The following CHCHD6 variants were observed in gnomAD, a reference collection of about 807,000 sequenced individuals.
CHCHD6 encodes the protein coiled-coil-helix-coiled-coil-helix domain containing 6.
A neutral mutation model predicts 32.3 loss-of-function variants in CHCHD6; 28 were observed. The ratio of observed to expected loss-of-function variants is 0.87; its 90% CI spans 0.64 to 1.19. The LOEUF (loss-of-function observed/expected upper bound fraction) is 1.19, where lower values mean the gene tolerates loss of function less well. CHCHD6 is among the 50% of genes most tolerant of loss of function. The pLI is 0.00. For missense variants in CHCHD6, 333 were observed against 307.0 expected, an observed-to-expected ratio of 1.08 and a Z score of -0.63; for synonymous variants, 122 against 117.5, an observed-to-expected ratio of 1.04 and a Z score of -0.25.
chr3:126,924,423 G>A (rs1003745905), intron 6 of CHCHD6, among the ~76,000 whole-genome samples: 6 of 152,162 alleles, frequency 3.9e-5, no homozygotes, highest in East Asian at 1.9e-4. Context: ...ACACTCTCAC[G>A]TATAGCTTGT....
intron 4 of CHCHD6, among the ~76,000 whole-genome samples, chr3:126,806,407 C>G (rs1939382924): frequency 6.6e-6 from 1 of 151,680 alleles, no homozygotes; most frequent in African/African-American, 2.4e-5. Flanking sequence ...AGACACTTCT[C>G]AAAAGAAGAC....
chr3:126,808,664 A>G (rs574099951), intron 4 of CHCHD6, among the ~76,000 whole-genome samples: 62 of 152,284 alleles, frequency 4.1e-4, no homozygotes, highest in Middle Eastern at 3.4e-3. Context: ...CTGAAGAAAA[A>G]TGGGTGCCAT....
chr3:126,840,561 G>C (rs927387537), intron 4 of CHCHD6, among the ~76,000 whole-genome samples: 1 of 152,136 alleles, frequency 6.6e-6, no homozygotes, highest in African/African-American at 2.4e-5. Context: ...TCCAAGTGTG[G>C]AGATTAGCCC....
chr3:126,755,867 TGTAGACACAGACATTC>T (rs1219938856), intron 4 of CHCHD6, among the ~76,000 whole-genome samples: 3 of 148,996 alleles, frequency 2.0e-5, no homozygotes, highest in South Asian at 2.1e-4. Flanking sequence ...TGTGTGTGTG[TGTAGACACAGACATTC>T]CTTATGCCTG....
chr3:126,855,349 G>A (rs559524243), intron 5 of CHCHD6, among the ~76,000 whole-genome samples: 1 of 152,294 alleles, frequency 6.6e-6, no homozygotes, highest in East Asian at 1.9e-4. Flanking sequence ...CTGTAAAATG[G>A]AGATGCTAAT....
chr3:126,843,744 A>T (rs1322881453), intron 4 of CHCHD6, among the ~76,000 whole-genome samples: 1 of 152,210 alleles, frequency 6.6e-6, no homozygotes, highest in South Asian at 2.1e-4. Flanking sequence ...AATTACATGT[A>T]TGCTAGACCA....
intron 5 of CHCHD6, among the ~76,000 whole-genome samples, chr3:126,911,396 C>CT (rs2107588402): frequency 6.6e-6 from 1 of 152,318 alleles, no homozygotes; most frequent in Non-Finnish European, 1.5e-5. Flanking sequence ...CTCCAGCAGC[C>CT]TTGGAAAGGC....
At chr3:126,833,924 G>C (rs1170166639) in intron 4 of CHCHD6, among the ~76,000 whole-genome samples, 2 of 150,296 alleles carry the variant, frequency 1.3e-5, no homozygotes, top group Non-Finnish European at 3.0e-5. Flanking sequence ...CGTAGTGGCG[G>C]GCGCCTGTAG....
intron 4 of CHCHD6, among the ~76,000 whole-genome samples, chr3:126,797,580 G>A (rs925027581): frequency 1.3e-5 from 2 of 152,096 alleles, no homozygotes; most frequent in Admixed American, 6.5e-5. Context: ...GGGACCTTTT[G>A]TTTTTCAAAT....
intron 6 of CHCHD6, among the ~76,000 whole-genome samples, chr3:126,931,201 C>T (rs1213954464): frequency 6.6e-6 from 1 of 152,242 alleles, no homozygotes; most frequent in Non-Finnish European, 1.5e-5. Flanking sequence ...CACCCTCCAC[C>T]TACCTTCCCA....
At chr3:126,841,652 TC>T (rs1941086732) in intron 4 of CHCHD6, among the ~76,000 whole-genome samples, 1 of 152,008 alleles carries the variant, frequency 6.6e-6, no homozygotes, top group Non-Finnish European at 1.5e-5. Flanking sequence ...ACGCCTGTAA[TC>T]CCAGCACTTT....
chr3:126,935,649 T>G (rs1475268909), intron 6 of CHCHD6, among the ~76,000 whole-genome samples: 1 of 152,200 alleles, frequency 6.6e-6, no homozygotes, highest in East Asian at 1.9e-4. Context: ...AAAAGTCTGT[T>G]TGAAGATATA....
intron 5 of CHCHD6, among the ~76,000 whole-genome samples, chr3:126,905,981 G>A (rs1326739603): frequency 6.6e-6 from 1 of 152,136 alleles, no homozygotes; most frequent in Non-Finnish European, 1.5e-5. Flanking sequence ...GAGGGAAAGA[G>A]GAAATATGAG....
intron 4 of CHCHD6, among the ~76,000 whole-genome samples, chr3:126,807,845 T>C (rs372850128): frequency 1.3e-5 from 2 of 152,214 alleles, no homozygotes; most frequent in South Asian, 2.1e-4. Context: ...AACTTTTTCA[T>C]AGTAGTCTTA....
At chr3:126,924,822 C>T in intron 6 of CHCHD6, among the ~76,000 whole-genome samples, 1 of 152,238 alleles carries the variant, frequency 6.6e-6, no homozygotes, top group East Asian at 1.9e-4. Flanking sequence ...AGGACCTCTC[C>T]TCCATGGACA....
intron 4 of CHCHD6, among the ~76,000 whole-genome samples, chr3:126,755,737 G>A: frequency 6.6e-6 from 1 of 152,144 alleles, no homozygotes; most frequent in East Asian, 1.9e-4. Context: ...GTCATTAAAT[G>A]TATGAGATGG....
At chr3:126,816,073 C>T (rs533323041) in intron 4 of CHCHD6, among the ~76,000 whole-genome samples, 43 of 152,286 alleles carry the variant, frequency 2.8e-4, no homozygotes, top group African/African-American at 1.0e-3. Flanking sequence ...TCCCCAACCA[C>T]TTTTCTCTTC....
chr3:126,714,055 CGACA>C (rs1314636839), intron 1 of CHCHD6, among the ~76,000 whole-genome samples: 1 of 108,432 alleles, frequency 9.2e-6, no homozygotes, highest in African/African-American at 3.8e-5. Flanking sequence ...CCAGCCTGGG[CGACA>C]GAGCCAGACT....
At chr3:126,711,581 G>T (rs1419605817) in intron 1 of CHCHD6, among the ~76,000 whole-genome samples, 1 of 152,208 alleles carries the variant, frequency 6.6e-6, no homozygotes, top group East Asian at 1.9e-4. Context: ...GGAAACAGAA[G>T]ATCCCAGACC....
Sources: gnomAD v4.1 joint callset for allele counts (sites outside exome capture counted in the v4.1 genomes callset) on GRCh38, gnomAD v4.1.1 for gene constraint, MANE v1.5 for transcripts, NCBI Gene and HGNC (gene_info 2026-07-23, HGNC 2026-07-21) for gene names.